The following VAV3 variants were observed in gnomAD, a reference collection of about 807,000 sequenced individuals.
VAV3 encodes the protein guanine nucleotide exchange factor VAV3.
In VAV3, 94 loss-of-function variants were observed where a neutral mutation model predicts 131.2. The observed-to-expected ratio is 0.72, with a 90% CI of 0.61 to 0.85. VAV3 has a LOEUF of 0.85. VAV3 is among the 40% of genes least tolerant of loss of function. The pLI, the probability that VAV3 is intolerant of heterozygous loss-of-function variation, is 0.00. For synonymous variants in VAV3, 349 were observed against 342.0 expected (o/e 1.02, Z -0.22); for missense variants, 939 against 1,002.7 (o/e 0.94, Z 0.86).
intron 2 of VAV3, among the ~76,000 whole-genome samples, chr1:107,865,957 T>C (rs957058363): frequency 1.3e-5 from 2 of 152,040 alleles, no homozygotes; most frequent in Non-Finnish European, 2.9e-5. Flanking sequence ...CCAGGGGCAC[T>C]CCACCAGAAA....
At chr1:107,607,855 T>C (rs926132208) in intron 22 of VAV3, among the ~76,000 whole-genome samples, 2 of 152,180 alleles carry the variant, frequency 1.3e-5, no homozygotes, top group African/African-American at 4.8e-5. Flanking sequence ...GTAGATAATA[T>C]AGTTGGTGAT....
chr1:107,641,929 A>G (rs1446602440), intron 20 of VAV3, among the ~76,000 whole-genome samples: 1 of 152,050 alleles, frequency 6.6e-6, no homozygotes, highest in Admixed American at 6.6e-5. Context: ...TAGTAAATAT[A>G]AAAAAGGTTA....
At chr1:107,630,759 A>C (rs1654406265) in intron 20 of VAV3, among the ~76,000 whole-genome samples, 1 of 152,196 alleles carries the variant, frequency 6.6e-6, no homozygotes, top group Admixed American at 6.5e-5. Flanking sequence ...GCAAATTAAC[A>C]TAAAAGGGGC....
intron 1 of VAV3, among the ~76,000 whole-genome samples, chr1:107,937,332 C>T (rs1420929221): frequency 6.6e-6 from 1 of 152,194 alleles, no homozygotes; most frequent in Non-Finnish European, 1.5e-5. Flanking sequence ...CCAGCCTTTG[C>T]ACAATGAATG....
intron 2 of VAV3, among the ~76,000 whole-genome samples, chr1:107,781,125 G>C (rs894651350): frequency 2.0e-5 from 3 of 152,014 alleles, no homozygotes; most frequent in Non-Finnish European, 4.4e-5. Context: ...CCTGGCTTTG[G>C]AGTAAGAATA....
chr1:107,773,983 C>T (rs1665195199), intron 4 of VAV3, among the ~76,000 whole-genome samples: 1 of 152,144 alleles, frequency 6.6e-6, no homozygotes, highest in Non-Finnish European at 1.5e-5. Flanking sequence ...AAAAGTCAAC[C>T]TTGCTGAAGT....
chr1:107,665,928 G>A (rs1657377696), intron 19 of VAV3, among the ~76,000 whole-genome samples: 1 of 152,188 alleles, frequency 6.6e-6, no homozygotes, highest in Non-Finnish European at 1.5e-5. Context: ...ATCTGTAAAT[G>A]CAACTGTTGA....
chr1:107,870,193 T>C (rs927580596), intron 2 of VAV3, among the ~76,000 whole-genome samples: 3 of 152,160 alleles, frequency 2.0e-5, no homozygotes, highest in Admixed American at 6.6e-5. Context: ...CTACATTTAG[T>C]TCTTTAAGGA....
At chr1:107,636,069 C>T (rs1654909320) in intron 20 of VAV3, among the ~76,000 whole-genome samples, 1 of 152,146 alleles carries the variant, frequency 6.6e-6, no homozygotes, top group Non-Finnish European at 1.5e-5. Context: ...GTTGTTGGTG[C>T]TATTGTTGTC....
Position 107,758,498 on chromosome 1 carries a change from A to G in VAV3, c.1018-1169T>C, listed in dbSNP as rs956998122. ...AAGGCAGGAAGACAGCTTGAGCCCA[A>G]CTGCAGTGAGCCATGACTACACCAT... On this transcript the variant is annotated intron_variant, in intron 10 of 26. Transcript: ENST00000370056. Among the ~76,000 whole-genome samples, 8 of 152,088 alleles carry G rather than the reference A, an allele frequency of 5.3e-5. 1 individual carries two copies. Among genetic ancestry groups the G allele is most frequent in the Admixed American group, 5.2e-4 (8 of 15,264 alleles).
chr1:107,635,558 C>T (rs1654857464), intron 20 of VAV3, among the ~76,000 whole-genome samples: 1 of 152,066 alleles, frequency 6.6e-6, no homozygotes, highest in Non-Finnish European at 1.5e-5. Context: ...AAACATGGCA[C>T]ATGTATACAT....
At chr1:107,954,621 C>T (rs975590523) in intron 1 of VAV3, among the ~76,000 whole-genome samples, 1 of 151,444 alleles carries the variant, frequency 6.6e-6, no homozygotes, top group African/African-American at 2.4e-5. Flanking sequence ...CTGCAACCTC[C>T]ACCTCCCAGG....
At chr1:107,774,169 CG>C in intron 4 of VAV3, among the ~76,000 whole-genome samples, 1 of 152,206 alleles carries the variant, frequency 6.6e-6, no homozygotes, top group South Asian at 2.1e-4. Flanking sequence ...TGGGTTCCAG[CG>C]ATTCTTCTGC....
chr1:107,613,297 T>C (rs1011955267), intron 21 of VAV3, among the ~76,000 whole-genome samples: 4 of 152,118 alleles, frequency 2.6e-5, no homozygotes, highest in Non-Finnish European at 5.9e-5. Flanking sequence ...TTCTCAGGCA[T>C]TGTTTATTTG....
intron 2 of VAV3, among the ~76,000 whole-genome samples, chr1:107,848,093 T>G (rs914288380): frequency 1.3e-5 from 2 of 151,900 alleles, no homozygotes; most frequent in Non-Finnish European, 2.9e-5. Flanking sequence ...GAGGGTGAAT[T>G]GCAAGGTGAG....
At chr1:107,630,287 G>A (rs746651452) in intron 20 of VAV3, among the ~76,000 whole-genome samples, 15 of 151,988 alleles carry the variant, frequency 9.9e-5, no homozygotes, top group Admixed American at 5.2e-4. Flanking sequence ...TTACATAGTA[G>A]GCACTTTATA....
chr1:107,773,728 G>T (rs747246891), intron 4 of VAV3, among the ~76,000 whole-genome samples: 1 of 152,148 alleles, frequency 6.6e-6, no homozygotes, highest in Non-Finnish European at 1.5e-5. Context: ...ATACTGAGGG[G>T]TTTAGGCGGC....
Position 107,841,048 on chromosome 1 carries a change from G to A in VAV3, c.321+33853C>T, listed in dbSNP as rs1668682110. Among the ~76,000 whole-genome samples the A allele has an allele frequency of 5.3e-5, 8 of 152,318 alleles. No individual in the cohort carries two copies. The South Asian group carries it at 1.7e-3, about 32-fold the overall frequency. On this transcript the variant is annotated intron_variant, in intron 2 of 26. Coordinates refer to ENST00000370056, the MANE Select transcript of VAV3 (RefSeq NM_006113.5). The stretch of plus-strand genomic sequence containing the variant: ...CTGAGGTTTAAGCTGACTGACAGCA[G>A]TGTGGTAGGGCAGAGTTGGCCAGTA...
At chr1:107,676,245 G>A (rs1244265325) in intron 19 of VAV3, among the ~76,000 whole-genome samples, 1 of 152,150 alleles carries the variant, frequency 6.6e-6, no homozygotes, top group Non-Finnish European at 1.5e-5. Flanking sequence ...AGCCAGGCTG[G>A]CCAATCAACA....
Sources: allele counts gnomAD v4.1 joint callset (sites outside exome capture counted in the v4.1 genomes callset), GRCh38; gene constraint gnomAD v4.1.1; transcripts MANE v1.5; gene names NCBI Gene and HGNC (gene_info 2026-07-23, HGNC 2026-07-21).